The following HERC6 variants were observed in gnomAD, a reference collection of about 807,000 sequenced individuals.
HERC6 encodes probable E3 ubiquitin-protein ligase HERC6.
A neutral mutation model predicts 114.5 loss-of-function variants in HERC6; 101 were observed. The ratio of observed to expected loss-of-function variants is 0.88; its 90% CI spans 0.75 to 1.04. The LOEUF (loss-of-function observed/expected upper bound fraction) is 1.04, where lower values mean the gene tolerates loss of function less well. Ranked by LOEUF, HERC6 falls within the 50% of genes least tolerant of loss-of-function variation. HERC6 has a pLI of 0.00. For missense variants in HERC6, 1,133 were observed against 1,230.9 expected (o/e 0.92, Z 1.19); for synonymous variants, 408 against 436.2 (o/e 0.94, Z 0.81).
intron 20 of HERC6, among the ~76,000 whole-genome samples, chr4:88,439,400 G>A (rs1202143651): frequency 6.7e-6 from 1 of 149,158 alleles, no homozygotes; most frequent in South Asian, 2.1e-4. Flanking sequence ...AAAGAAAAGG[G>A]AAGGGAAAGG....
intron 8 of HERC6, among the ~76,000 whole-genome samples, chr4:88,404,616 A>G (rs1037341362): frequency 6.6e-6 from 1 of 152,056 alleles, no homozygotes; most frequent in Non-Finnish European, 1.5e-5. Flanking sequence ...GTGAATAATG[A>G]TCTACAAGTA....
At chr4:88,382,994 T>G (rs1441155485) in intron 1 of HERC6, among the ~76,000 whole-genome samples, 1 of 152,202 alleles carries the variant, frequency 6.6e-6, no homozygotes, top group Non-Finnish European at 1.5e-5. Context: ...ATAGTCTCCC[T>G]GTTGATTATT....
chr4:88,436,848 C>A, intron 18 of HERC6, 57 bp from the exon 19 acceptor site: 1 of 1,197,624 alleles, frequency 8.3e-7, no homozygotes. Flanking sequence ...TTGAAAATTA[C>A]TTGTGAAACT....
At chr4:88,400,731 G>A (rs10030171) in intron 8 of HERC6, among the ~76,000 whole-genome samples, 59,284 of 151,962 alleles carry the variant, frequency 0.39, 14,923 homozygotes, top group African/African-American at 0.68. Flanking sequence ...GGGGCACCAC[G>A]TTTACATATG....
At chr4:88,415,094 A>T (rs533479510) in intron 12 of HERC6, among the ~76,000 whole-genome samples, 36 of 152,320 alleles carry the variant, frequency 2.4e-4, no homozygotes, top group African/African-American at 8.2e-4. Context: ...CCCTCCCAGA[A>T]GTGGCTACAG....
intron 15 of HERC6, 32 bp downstream of exon 15, chr4:88,424,734 T>C: frequency 1.5e-6 from 2 of 1,303,134 alleles, no homozygotes; most frequent in South Asian, 1.3e-5. Flanking sequence ...GTATGAAAAA[T>C]TTCAAACATA....
At chr4:88,392,567 A>T (rs1409906939) in intron 4 of HERC6, among the ~76,000 whole-genome samples, 1 of 152,202 alleles carries the variant, frequency 6.6e-6, no homozygotes, top group Non-Finnish European at 1.5e-5. Flanking sequence ...GAAAATTGTC[A>T]GAATCAATAT....
intron 3 of HERC6, 60 bp downstream of exon 3, chr4:88,385,635 T>C (rs967892428): frequency 4.8e-6 from 4 of 828,736 alleles, no homozygotes; most frequent in African/African-American, 1.8e-5. Context: ...ATAGGAATTA[T>C]AGCTGCTGAT....
chr4:88,442,194 T>G (rs1020416101), intron 22 of HERC6, 40 bp from the exon 23 acceptor site: 1 of 1,405,540 alleles, frequency 7.1e-7, no homozygotes, highest in Middle Eastern at 1.8e-4. Context: ...TGTTTTACTC[T>G]TTCTATGAAA....
intron 7 of HERC6, among the ~76,000 whole-genome samples, chr4:88,397,769 C>T (rs1347348510): frequency 6.6e-6 from 1 of 152,030 alleles, no homozygotes; most frequent in African/African-American, 2.4e-5. Flanking sequence ...AACATCAGAA[C>T]AATACACTTT....
intron 7 of HERC6, 172 bp from the exon 8 acceptor site, chr4:88,397,970 A>G (rs1735332301): frequency 3.7e-6 from 2 of 539,760 alleles, no homozygotes; most frequent in Non-Finnish European, 6.6e-6. Context: ...CTTTTATTTC[A>G]ATATGATGGG....
intron 8 of HERC6, among the ~76,000 whole-genome samples, chr4:88,401,182 G>A (rs959197515): frequency 6.6e-6 from 1 of 152,090 alleles, no homozygotes; most frequent in Admixed American, 6.5e-5. Context: ...CTGCGAGAGG[G>A]TTTCTCATGC....
chr4:88,417,636 G>A (rs1736617489), intron 13 of HERC6, 57 bp downstream of exon 13: 3 of 1,436,334 alleles, frequency 2.1e-6, no homozygotes, highest in Non-Finnish European at 1.9e-6. Context: ...AATCCCTTAA[G>A]TCTCAACCAG....
Position 88,442,450 on chromosome 4 carries a change from C to A in HERC6, c.3059C>A (p.Thr1020Lys). The A allele has an allele frequency of 6.2e-7, 1 of 1,613,088 alleles. No individual in the cohort carries two copies. Among genetic ancestry groups the A allele is most frequent in the Non-Finnish European group, 8.5e-7 (1 of 1,179,400 alleles). Residue 1020 changes from threonine to lysine, a missense_variant, in exon 23 of 23, where the codon ACA becomes AAA. Transcript: ENST00000264346. ...AGAGGATTTGTCTCACCCATGCTCA[C>A]ACAGTCATAATCACCTCTGAGAGAC... ...NNRGFVSPML[T>K]QS
intron 4 of HERC6, among the ~76,000 whole-genome samples, chr4:88,391,219 C>A (rs1421654839): frequency 6.6e-6 from 1 of 152,132 alleles, no homozygotes; most frequent in African/African-American, 2.4e-5. Context: ...CTAAAGGCCA[C>A]CTGCATTAAT....
At position 88,385,494 on chromosome 4, in the gene HERC6, T is replaced by G. The variant is rs190879670; in HGVS notation, c.360-5T>G. The stretch of plus-strand genomic sequence containing the variant: ...TTAATCAATTTTGTATTATTTGTAT[T>G]ATAGGAAAATAATGACTCTGAATGA... On this transcript the variant is annotated splice_region_variant and splice_polypyrimidine_tract_variant and intron_variant, in intron 2 of 22. Coordinates refer to ENST00000264346, the MANE Select transcript of HERC6 (RefSeq NM_017912.4). The G allele has an allele frequency of 3.9e-4, 515 of 1,323,620 alleles. 4 individuals are homozygous for G. The East Asian group carries it at 0.012, about 30-fold the overall frequency. 82.0% of individuals were successfully genotyped at this position (1,323,620 alleles called of 1,614,324 possible). A position where few individuals can be genotyped will look rare whatever the true frequency, so the allele number is the denominator to read the frequency against.
chr4:88,400,326 C>T (rs936301681), intron 8 of HERC6, among the ~76,000 whole-genome samples: 8 of 152,276 alleles, frequency 5.3e-5, no homozygotes, highest in Non-Finnish European at 8.8e-5. Flanking sequence ...CTCAGCCTCC[C>T]GAGTAGCCAG....
At chr4:88,385,919 A>C (rs1391069789) in intron 3 of HERC6, among the ~76,000 whole-genome samples, 3 of 152,188 alleles carry the variant, frequency 2.0e-5, no homozygotes, top group Non-Finnish European at 4.4e-5. Context: ...TAGATCAAAG[A>C]AAGAGAAGTC....
chr4:88,385,966 T>C (rs1167864114), intron 3 of HERC6, among the ~76,000 whole-genome samples: 2 of 152,140 alleles, frequency 1.3e-5, no homozygotes, highest in African/African-American at 4.8e-5. Flanking sequence ...TTTTTCTTTT[T>C]AAAAATTTTT....
Sources: gnomAD v4.1 joint callset for allele counts (sites outside exome capture counted in the v4.1 genomes callset) on GRCh38, gnomAD v4.1.1 for gene constraint, MANE v1.5 for transcripts, NCBI Gene and HGNC (gene_info 2026-07-23, HGNC 2026-07-21) for gene names.